The following PCDHA5 variants were observed in gnomAD, a reference collection of about 807,000 sequenced individuals.
The protein encoded by PCDHA5 is protocadherin alpha-5.
In PCDHA5, 43 loss-of-function variants were observed where a neutral mutation model predicts 61.6. The observed-to-expected ratio is 0.70, with a 90% CI of 0.55 to 0.90. PCDHA5 has a LOEUF of 0.90. Ranked by LOEUF, PCDHA5 falls within the 40% of genes least tolerant of loss-of-function variation. The pLI, the probability that PCDHA5 is intolerant of heterozygous loss-of-function variation, is 0.00. For synonymous variants in PCDHA5, 627 were observed against 543.9 expected, an observed-to-expected ratio of 1.15 and a Z score of -2.13; for missense variants, 1,298 against 1,222.7, an observed-to-expected ratio of 1.06 and a Z score of -0.92.
At chr5:140,827,032 T>C (rs1769155846) in intron 1 of PCDHA5, among the ~76,000 whole-genome samples, 1 of 152,190 alleles carries the variant, frequency 6.6e-6, no homozygotes, top group Non-Finnish European at 1.5e-5. Context: ...AATTTAAAAA[T>C]TTGAATTTGG....
rs543675270 is a variant in PCDHA5 at position 140,877,484 on chromosome 5, A to G, written c.2352+53357A>G. 2.3e-5 allele frequency: 37 copies of G among 1,613,814 alleles called. No individual in the cohort carries two copies. The highest frequency in any genetic ancestry group is 3.1e-5 in the Non-Finnish European group (36 of 1,179,856). On this transcript the variant is annotated intron_variant, in intron 1 of 3. Transcript: ENST00000529859. ...GCCACGGTGCTGGTGTCGCTGGTGG[A>G]GAACGGCCAGGCCCCAAAGACGTCG...
At chr5:140,896,191 C>T (rs987655303) in intron 1 of PCDHA5, among the ~76,000 whole-genome samples, 1 of 152,184 alleles carries the variant, frequency 6.6e-6, no homozygotes, top group African/African-American at 2.4e-5. Flanking sequence ...GTGAATAGTG[C>T]CATGATGAAC....
chr5:140,900,817 A>G (rs2068314504), intron 1 of PCDHA5, among the ~76,000 whole-genome samples: 1 of 152,154 alleles, frequency 6.6e-6, no homozygotes, highest in Non-Finnish European at 1.5e-5. Context: ...ACTAATTTAC[A>G]TTCCCACCAA....
chr5:140,896,735 T>C (rs930657295), intron 1 of PCDHA5, among the ~76,000 whole-genome samples: 8 of 152,166 alleles, frequency 5.3e-5, no homozygotes, highest in Non-Finnish European at 4.4e-5. Context: ...TTTAAGTTCC[T>C]TATAGATTCT....
chr5:140,876,919 GA>G, intron 1 of PCDHA5: 2 of 1,613,952 alleles, frequency 1.2e-6, no homozygotes, highest in Non-Finnish European at 1.7e-6. Context: ...ATGGGACGCG[GA>G]CGCGCAGAAG....
chr5:140,831,138 T>G (rs1208993526), intron 1 of PCDHA5: 1 of 152,186 alleles, frequency 6.6e-6, no homozygotes, highest in Admixed American at 6.6e-5. Flanking sequence ...GGTTATTGAT[T>G]TATTTACTAC....
At chr5:140,849,862 C>T (rs2150454518) in intron 1 of PCDHA5, 1 of 1,598,598 alleles carries the variant, frequency 6.3e-7, no homozygotes, top group African/African-American at 1.3e-5. Context: ...CCAGCGTTCG[C>T]GCAGTCCGAG....
At chr5:140,846,140 T>C (rs1780219346) in intron 1 of PCDHA5, among the ~76,000 whole-genome samples, 1 of 149,740 alleles carries the variant, frequency 6.7e-6, no homozygotes, top group Non-Finnish European at 1.5e-5. Context: ...GTTTCCCATA[T>C]TTAAAAGTTG....
intron 1 of PCDHA5, chr5:140,849,920 C>T (rs2041223801): frequency 6.3e-7 from 1 of 1,598,270 alleles, no homozygotes; most frequent in Non-Finnish European, 8.6e-7. Flanking sequence ...GCCACATCTT[C>T]ACGGTGTCTG....
chr5:140,875,946 T>C, intron 1 of PCDHA5: 1 of 1,614,222 alleles, frequency 6.2e-7, no homozygotes, highest in Admixed American at 1.7e-5. Context: ...AGGGCGCTTC[T>C]GATGCGGATA....
intron 1 of PCDHA5, chr5:140,830,478 A>G: frequency 2.0e-6 from 3 of 1,521,696 alleles, no homozygotes; most frequent in East Asian, 2.3e-5. Flanking sequence ...GAAGATCATG[A>G]TGCCAAAGTA....
At chr5:140,884,501 G>T (rs2060219226) in intron 1 of PCDHA5, 2 of 1,614,146 alleles carry the variant, frequency 1.2e-6, no homozygotes, top group Non-Finnish European at 1.7e-6. Context: ...CTCCAGCGCG[G>T]CAGGGAGTTG....
At chr5:140,857,724 A>C in intron 1 of PCDHA5, 1 of 1,597,434 alleles carries the variant, frequency 6.3e-7, no homozygotes. Flanking sequence ...GACGAGAACG[A>C]CAACGCTCCC....
intron 1 of PCDHA5, among the ~76,000 whole-genome samples, chr5:140,940,306 T>C (rs2092590981): frequency 6.6e-6 from 1 of 152,200 alleles, no homozygotes; most frequent in Non-Finnish European, 1.5e-5. Context: ...TAATTTATTA[T>C]CTTTCTTCCA....
chr5:140,985,163 T>G (rs1045171380), intron 3 of PCDHA5, among the ~76,000 whole-genome samples: 7 of 152,096 alleles, frequency 4.6e-5, no homozygotes, highest in South Asian at 2.1e-4. Flanking sequence ...TGTCTCAATC[T>G]CCTGACCTCG....
chr5:140,830,668 A>C (rs1269050211), intron 1 of PCDHA5: 1 of 382,460 alleles, frequency 2.6e-6, no homozygotes, highest in Non-Finnish European at 4.3e-6. Flanking sequence ...TTTAAGTGAA[A>C]TTAGAAATCA....
intron 1 of PCDHA5, among the ~76,000 whole-genome samples, chr5:140,947,597 G>A (rs1231530518): frequency 1.3e-5 from 2 of 151,586 alleles, no homozygotes; most frequent in African/African-American, 4.8e-5. Context: ...TCAATTTAGG[G>A]AAGATTTGGT....
intron 1 of PCDHA5, among the ~76,000 whole-genome samples, chr5:140,950,237 A>G (rs1192417956): frequency 6.6e-6 from 1 of 151,954 alleles, no homozygotes; most frequent in African/African-American, 2.4e-5. Flanking sequence ...AGTGCCATTA[A>G]TTTGTTCCTA....
chr5:140,877,377 C>T (rs575601254), intron 1 of PCDHA5: 2 of 1,614,008 alleles, frequency 1.2e-6, no homozygotes, highest in Non-Finnish European at 1.7e-6. Context: ...GCACGACACG[C>T]ATCCTGGATG....
Sources: gnomAD v4.1 joint callset for allele counts (sites outside exome capture counted in the v4.1 genomes callset) on GRCh38, gnomAD v4.1.1 for gene constraint, MANE v1.5 for transcripts, NCBI Gene and HGNC (gene_info 2026-07-23, HGNC 2026-07-21) for gene names.